The following SMARCAD1 variants were observed in gnomAD, a reference collection of about 807,000 sequenced individuals.
SMARCAD1 encodes the protein SWI/SNF-related matrix-associated actin-dependent regulator of chromatin subfamily A containing DEAD/H box 1.
Under a neutral mutation model 127.1 loss-of-function variants are expected in SMARCAD1, and 25 were observed. The ratio of observed to expected loss-of-function variants is 0.20; its 90% CI spans 0.14 to 0.27. The LOEUF is 0.27. Among genes scored for constraint, SMARCAD1 ranks in the 10% least tolerant of loss-of-function variants. The probability of loss-of-function intolerance (pLI) is 1.00; values close to 1 mark genes in which losing one functional copy is unlikely to be tolerated. For synonymous variants in SMARCAD1, 400 were observed against 396.9 expected (o/e 1.01, Z -0.09); for missense variants, 807 against 1,206.0 (o/e 0.67, Z 4.90).
chr4:94,227,428 T>G (rs1241843488), intron 3 of SMARCAD1, among the ~76,000 whole-genome samples: 1 of 152,148 alleles, frequency 6.6e-6, no homozygotes, highest in Non-Finnish European at 1.5e-5. Flanking sequence ...TAAATATTGT[T>G]GTAATAACCC....
chr4:94,262,437 GTC>G (rs1238744511), intron 9 of SMARCAD1, among the ~76,000 whole-genome samples: 3 of 152,146 alleles, frequency 2.0e-5, no homozygotes, highest in African/African-American at 7.2e-5. Flanking sequence ...GACCACTATT[GTC>G]TCTCAACTCA....
chr4:94,212,052 C>G (rs1742352228), intron 2 of SMARCAD1, among the ~76,000 whole-genome samples: 1 of 152,134 alleles, frequency 6.6e-6, no homozygotes, highest in Non-Finnish European at 1.5e-5. Flanking sequence ...TTGTGTTCAC[C>G]TATTTATCTC....
At chr4:94,253,236 C>A in intron 9 of SMARCAD1, 3 of 1,497,260 alleles carry the variant, frequency 2.0e-6, no homozygotes, top group Non-Finnish European at 1.8e-6. Flanking sequence ...AGCTGATTGG[C>A]TGGGAATACT....
intron 6 of SMARCAD1, among the ~76,000 whole-genome samples, 178 bp downstream of exon 6, chr4:94,241,184 T>C (rs1275033317): frequency 1.3e-5 from 2 of 152,252 alleles, no homozygotes; most frequent in Admixed American, 6.5e-5. Context: ...TTATCCAGTA[T>C]GAAGCCTGCT....
intron 10 of SMARCAD1, among the ~76,000 whole-genome samples, chr4:94,265,698 T>C (rs146898757): frequency 1.9e-3 from 288 of 151,910 alleles, no homozygotes; most frequent in Non-Finnish European, 3.3e-3. Flanking sequence ...TTAAAAAAAA[T>C]AATATAAAAC....
intron 2 of SMARCAD1, among the ~76,000 whole-genome samples, chr4:94,217,182 C>T (rs1384287396): frequency 6.6e-6 from 1 of 152,096 alleles, no homozygotes; most frequent in African/African-American, 2.4e-5. Context: ...TTTAAATCTC[C>T]TCTGAATTTT....
chr4:94,240,627 G>A (rs979808436), intron 5 of SMARCAD1, among the ~76,000 whole-genome samples: 4 of 152,070 alleles, frequency 2.6e-5, no homozygotes, highest in Admixed American at 2.0e-4. Context: ...TCCTAATGTT[G>A]CTCTGTAGAA....
At chr4:94,276,516 T>A in intron 15 of SMARCAD1, 42 bp downstream of exon 15, 4 of 1,601,756 alleles carry the variant, frequency 2.5e-6, no homozygotes, top group Non-Finnish European at 3.4e-6. Context: ...ACTGTAAAAT[T>A]TAGATTACGT....
chr4:94,290,945 G>A lies in SMARCAD1; in HGVS notation c.*1411G>A, dbSNP rs1217249052. The A allele has an allele frequency of 4.4e-6, 2 of 452,868 alleles. No individual in the cohort carries two copies. Among genetic ancestry groups the A allele is most frequent in the South Asian group, 1.6e-5 (1 of 63,734 alleles). 28.1% of individuals were successfully genotyped at this position (452,868 alleles called of 1,614,324 possible). ...TTACAGTGATTATTTAGATATTAAA[G>A]ACTGAGAACTCACGGCTTAACCCCA... On this transcript the variant is annotated 3_prime_UTR_variant, in exon 24 of 24. Transcript: ENST00000354268.
intron 10 of SMARCAD1, among the ~76,000 whole-genome samples, chr4:94,270,231 C>T (rs1287308972): frequency 2.0e-5 from 3 of 151,946 alleles, no homozygotes; most frequent in African/African-American, 7.3e-5. Context: ...CACATAAATG[C>T]GTGCTTCAGA....
At chr4:94,242,201 T>C (rs184858325) in intron 6 of SMARCAD1, among the ~76,000 whole-genome samples, 5 of 146,500 alleles carry the variant, frequency 3.4e-5, no homozygotes, top group African/African-American at 1.2e-4. Context: ...GCCCAGCTGT[T>C]TTTTTGTTTT....
rs746791930 is a variant in SMARCAD1, at chr4:94,234,103, G to C, written c.518G>C (p.Ser173Thr). 6.2e-7 allele frequency: 1 copy of C among 1,608,068 alleles called. No homozygotes were observed. The highest frequency in any genetic ancestry group is 1.7e-5 in the Admixed American group (1 of 59,310). Residue 173 changes from serine to threonine, a missense_variant, in exon 4 of 24, where the codon AGT (serine) becomes ACT (threonine). Physicochemically the swap from Ser to Thr is moderately conservative, Grantham distance 58. Transcript: ENST00000354268. ...TTGAAGGAACTTTTTCCACAAAGAA[G>C]TGACAATGATTTACTTAAGGTTATA... ...QTLKELFPQR[S>T]DNDLLKLIES...
chr4:94,237,625 T>G (rs758810979), intron 5 of SMARCAD1, among the ~76,000 whole-genome samples: 126 of 152,126 alleles, frequency 8.3e-4, no homozygotes, highest in Non-Finnish European at 1.9e-4. Flanking sequence ...TCAACTTTTT[T>G]CCTGCTTATA....
intron 9 of SMARCAD1, among the ~76,000 whole-genome samples, chr4:94,256,518 A>G (rs1434059154): frequency 6.6e-6 from 1 of 152,104 alleles, no homozygotes; most frequent in East Asian, 1.9e-4. Context: ...GCCCGCCACC[A>G]CACCTGGCCA....
At chr4:94,254,465 T>C (rs1039574301) in intron 9 of SMARCAD1, among the ~76,000 whole-genome samples, 6 of 152,278 alleles carry the variant, frequency 3.9e-5, no homozygotes, top group Admixed American at 2.6e-4. Flanking sequence ...TAAAAGTAAA[T>C]TATACAATTT....
chr4:94,260,990 A>C (rs1214532950), intron 9 of SMARCAD1, among the ~76,000 whole-genome samples: 1 of 152,182 alleles, frequency 6.6e-6, no homozygotes, highest in Non-Finnish European at 1.5e-5. Flanking sequence ...AGTTTCAGCT[A>C]TGAAGGAAAT....
intron 4 of SMARCAD1, 141 bp from the exon 5 acceptor site, chr4:94,236,809 CAT>C (rs2125869146): frequency 2.9e-6 from 2 of 695,086 alleles, no homozygotes; most frequent in South Asian, 3.4e-5. Context: ...GAAAATTTAT[CAT>C]AGGACTTAAT....
chr4:94,276,899 T>C (rs777069798), intron 15 of SMARCAD1, 123 bp from the exon 16 acceptor site: 4 of 998,338 alleles, frequency 4.0e-6, no homozygotes, highest in Non-Finnish European at 4.5e-6. Flanking sequence ...TATCACAGAA[T>C]GTTAAATTAT....
intron 23 of SMARCAD1, among the ~76,000 whole-genome samples, chr4:94,289,028 A>G (rs1176863784): frequency 1.3e-5 from 2 of 152,180 alleles, no homozygotes; most frequent in East Asian, 3.8e-4. Flanking sequence ...GTTTATATGT[A>G]TACAGTGTGG....
Sources: allele counts gnomAD v4.1 joint callset (sites outside exome capture counted in the v4.1 genomes callset), GRCh38; gene constraint gnomAD v4.1.1; transcripts MANE v1.5; gene names NCBI Gene and HGNC (gene_info 2026-07-23, HGNC 2026-07-21).